Variants in KDM5A observed in about 807,000 individuals in gnomAD.
The protein encoded by KDM5A is lysine-specific demethylase 5A.
A neutral mutation model predicts 193.5 loss-of-function variants in KDM5A; 42 were observed. The observed-to-expected ratio is 0.22, with a 90% CI of 0.17 to 0.28. The LOEUF is 0.28. KDM5A is among the 10% of genes least tolerant of loss of function. The probability of loss-of-function intolerance (pLI) is 1.00; values close to 1 mark genes in which losing one functional copy is unlikely to be tolerated. For missense variants in KDM5A, 1,692 were observed against 2,055.1 expected, an observed-to-expected ratio of 0.82 and a Z score of 3.42; for synonymous variants, 796 against 718.1, an observed-to-expected ratio of 1.11 and a Z score of -1.73.
At chr12:349,988 C>T (rs1434581815) in intron 10 of KDM5A, among the ~76,000 whole-genome samples, 3 of 151,722 alleles carry the variant, frequency 2.0e-5, no homozygotes, top group African/African-American at 4.8e-5. Context: ...ATTAGCTGGG[C>T]GTGGTGGTGC....
chr12:322,241 G>C (rs1309448113), intron 17 of KDM5A, 176 bp downstream of exon 17: 1 of 631,678 alleles, frequency 1.6e-6, no homozygotes. Context: ...CTGCAGGCTG[G>C]AGCAAGAAAG....
intron 10 of KDM5A, among the ~76,000 whole-genome samples, chr12:349,437 T>C (rs1944122034): frequency 6.6e-6 from 1 of 151,670 alleles, no homozygotes; most frequent in South Asian, 2.1e-4. Flanking sequence ...TTCAAGCAAT[T>C]CTCTGCCTCA....
rs1943673252 is a variant in KDM5A at position 318,291 on chromosome 12, C to T, written c.2712G>A (p.Leu904=). The change falls in exon 19 of 28, where the codon TTG becomes TTA. Residue 904 remains leucine (L), a synonymous_variant. Coordinates refer to ENST00000399788, the MANE Select transcript of KDM5A (RefSeq NM_001042603.3). The stretch of plus-strand genomic sequence containing the variant: ...CTGATAAGGTCAGTCTTACTTCGTC[C>T]AACCACCGAGCCTGTTGTAGCTCTT... The part of the protein sequence containing the change: ...LKQELQQARW[L]DEVRLTLSDP... 1 of 1,614,052 alleles carries T rather than the reference C, an allele frequency of 6.2e-7. No homozygotes were observed. Among genetic ancestry groups the T allele is most frequent in the African/African-American group, 1.3e-5 (1 of 74,910 alleles).
chr12:285,465 C>G lies in KDM5A; in HGVS notation c.5064G>C (p.Glu1688Asp). The G allele has an allele frequency of 6.2e-7, 1 of 1,613,890 alleles. No homozygotes were observed. The highest frequency in any genetic ancestry group is 8.5e-7 in the Non-Finnish European group (1 of 1,179,858). The change falls in exon 28 of 28, where the codon GAG (glutamate) becomes GAC (aspartate). Residue 1688 changes from glutamate to aspartate, a missense_variant. Physicochemically the swap from Glu to Asp is conservative, Grantham distance 45. Transcript: ENST00000399788. Reference sequence around the variant, plus strand: ...ACTAACCAAGCATCTGCTAACTGGTCTCTTTAAGATCCTCCATTGGTAGTT... The same window carrying G: ...ACTAACCAAGCATCTGCTAACTGGTGTCTTTAAGATCCTCCATTGGTAGTT... Reference protein sequence around the residue: ...SYKLPMEDLKETS With the variant: ...SYKLPMEDLKDTS
chr12:339,750 C>G (rs1168076581), intron 10 of KDM5A, among the ~76,000 whole-genome samples: 2 of 152,152 alleles, frequency 1.3e-5, no homozygotes, highest in Non-Finnish European at 2.9e-5. Context: ...AGGCCGCCAG[C>G]CAATACACCC....
intron 19 of KDM5A, among the ~76,000 whole-genome samples, chr12:315,731 C>CTA (rs1795983525): frequency 6.6e-6 from 1 of 151,776 alleles, no homozygotes; most frequent in Admixed American, 6.6e-5. Flanking sequence ...TCAAAGCTAA[C>CTA]TACCAAAGTA....
At position 309,927 on chromosome 12, in the gene KDM5A, C is replaced by T. The variant is rs755111845; in HGVS notation, c.3254G>A (p.Ser1085Asn). Reference protein sequence around the residue: ...SPRTDIGVYGSGKNRRKKVKE... With the variant: ...SPRTDIGVYGNGKNRRKKVKE... ...TACTTTTTTCCTCCTATTTTTGCCA[C>T]TCCCATATACACCAATGTCGGTCCG... is the stretch of plus-strand genomic sequence containing the variant. The change falls in exon 22 of 28, where the codon AGT becomes AAT. Residue 1085 changes from serine (S) to asparagine (N), a missense_variant. By Grantham distance (46) the Ser-to-Asn change is conservative. This residue lies in a region of KDM5A where 965 missense variants were observed against 1,061.0 expected (regional missense o/e 0.91). Transcript: ENST00000399788. 1.4e-5 allele frequency: 23 copies of T among 1,613,604 alleles called. No individual in the cohort carries two copies. In the South Asian group the frequency reaches 2.1e-4, roughly 15 times the overall value.
chr12:297,275 G>A (rs773073978), intron 24 of KDM5A, 75 bp from the exon 25 acceptor site: 10 of 1,310,712 alleles, frequency 7.6e-6, no homozygotes, highest in Non-Finnish European at 1.1e-5. Context: ...CAAAATGGAG[G>A]CTTTCAGGTT....
At chr12:288,443 G>GA (rs1419460383) in intron 27 of KDM5A, among the ~76,000 whole-genome samples, 1 of 152,104 alleles carries the variant, frequency 6.6e-6, no homozygotes, top group Non-Finnish European at 1.5e-5. Flanking sequence ...AGATCTGGGG[G>GA]AAATGTCTGT....
intron 14 of KDM5A, among the ~76,000 whole-genome samples, 151 bp downstream of exon 14, chr12:328,682 AAT>A (rs1351310409): frequency 1.3e-5 from 2 of 152,256 alleles, no homozygotes; most frequent in African/African-American, 4.8e-5. Context: ...TGGAGAAATC[AAT>A]ATGTCAATTA....
intron 4 of KDM5A, among the ~76,000 whole-genome samples, chr12:365,176 T>C (rs964118231): frequency 2.6e-5 from 4 of 152,046 alleles, no homozygotes; most frequent in African/African-American, 9.7e-5. Context: ...CCACAGTCTC[T>C]GGAGTAGCTG....
In KDM5A at chr12:281,983, C is replaced by T. The variant is rs1029235732; in HGVS notation, c.*3473G>A. On this transcript the variant is annotated 3_prime_UTR_variant, in exon 28 of 28. Coordinates refer to ENST00000399788, the MANE Select transcript of KDM5A (RefSeq NM_001042603.3). ...AACCATGCTAACCTTACAGCTCAGCCTGCACAGAAGCGCAGAAGCAAAGCC... is the reference window on the plus strand; with the variant it reads ...AACCATGCTAACCTTACAGCTCAGCTTGCACAGAAGCGCAGAAGCAAAGCC... 9 of 274,874 alleles carry T rather than the reference C, an allele frequency of 3.3e-5. No individual in the cohort carries two copies. Among genetic ancestry groups the T allele is most frequent in the Non-Finnish European group, 5.8e-5 (8 of 139,054 alleles). 17.0% of individuals were successfully genotyped at this position (274,874 alleles called of 1,614,324 possible). A position where few individuals can be genotyped will look rare whatever the true frequency, so the allele number is the denominator to read the frequency against.
chr12:289,899 C>CTTTTTTTTTTTTTTTT, intron 27 of KDM5A, among the ~76,000 whole-genome samples: 1 of 78,206 alleles, frequency 1.3e-5, no homozygotes, highest in African/African-American at 4.4e-5. Context: ...ATGATTTTTT[C>CTTTTTTTTTTTTTTTT]TTTCTTTCTT....
At chr12:370,456 T>C (rs184941039) in intron 3 of KDM5A, among the ~76,000 whole-genome samples, 18 of 152,284 alleles carry the variant, frequency 1.2e-4, no homozygotes, top group African/African-American at 4.3e-4. Flanking sequence ...CCATGTACTA[T>C]ATCACAACAC....
intron 3 of KDM5A, among the ~76,000 whole-genome samples, chr12:367,353 C>T (rs919879268): frequency 6.6e-6 from 1 of 151,774 alleles, no homozygotes; most frequent in Non-Finnish European, 1.5e-5. Flanking sequence ...GAGTTTCAAA[C>T]CATGCTGGAC....
chr12:336,506 A>T (rs1402187254), intron 10 of KDM5A, among the ~76,000 whole-genome samples: 1 of 152,206 alleles, frequency 6.6e-6, no homozygotes, highest in Non-Finnish European at 1.5e-5. Context: ...ACAGGTTATT[A>T]CTCAATATGT....
At chr12:289,709 T>C (rs1248737042) in intron 27 of KDM5A, among the ~76,000 whole-genome samples, 5 of 119,542 alleles carry the variant, frequency 4.2e-5, no homozygotes, top group African/African-American at 1.7e-4. Flanking sequence ...AGTAGGACCC[T>C]GTCTCAAAAA....
chr12:330,392 A>G (rs747140316), intron 13 of KDM5A, among the ~76,000 whole-genome samples: 2 of 152,164 alleles, frequency 1.3e-5, no homozygotes, highest in Non-Finnish European at 2.9e-5. Flanking sequence ...AAGGGCTTCC[A>G]CACATATCCT....
chr12:335,771 G>A (rs1215165416), intron 10 of KDM5A, among the ~76,000 whole-genome samples: 1 of 152,088 alleles, frequency 6.6e-6, no homozygotes, highest in African/African-American at 2.4e-5. Flanking sequence ...GCTGGGCACG[G>A]TGGCTCACAT....
Sources: gnomAD v4.1 joint callset for allele counts (sites outside exome capture counted in the v4.1 genomes callset) on GRCh38, gnomAD v4.1.1 for gene constraint, gnomAD v4.1.1 regional missense constraint, MANE v1.5 for transcripts, NCBI Gene and HGNC (gene_info 2026-07-23, HGNC 2026-07-21) for gene names.